The following STK24 variants were observed in gnomAD, a reference collection of about 807,000 sequenced individuals.
STK24 encodes serine/threonine kinase 24.
A neutral mutation model predicts 55.6 loss-of-function variants in STK24; 21 were observed. The ratio of observed to expected loss-of-function variants is 0.38; its 90% CI spans 0.27 to 0.54. STK24 has a LOEUF of 0.54. Among genes scored for constraint, STK24 ranks in the 20% least tolerant of loss-of-function variants. STK24 has a pLI of 0.79. For missense variants in STK24, 383 were observed against 538.4 expected (o/e 0.71, Z 2.86); for synonymous variants, 200 against 215.2 (o/e 0.93, Z 0.62).
intron 1 of STK24, chr13:98,576,312 A>G: frequency 1.2e-6 from 1 of 809,036 alleles, no homozygotes; most frequent in South Asian, 5.5e-5. Context: ...GGGGTGGGGG[A>G]CGAGCCTGGG....
In STK24 at chr13:98,448,389, C is replaced by T. The variant is rs1369487022; in HGVS notation, c.*4784G>A. On this transcript the variant is annotated 3_prime_UTR_variant, in exon 11 of 11. Transcript: ENST00000539966. ...TTTCCTTTCTTCTGTATTAATGAAG[C>T]CTGGTAAAATTAACACCTGTCTGAA... The T allele has an allele frequency of 1.6e-6, 2 of 1,221,130 alleles. No homozygotes were observed. Among genetic ancestry groups the T allele is most frequent in the Admixed American group, 1.7e-5 (1 of 58,142 alleles). The allele number at this position is 1,221,130 out of a possible 1,614,324, so 75.6% of individuals were successfully genotyped here.
chr13:98,496,831 CAGACATTTGCAA>C (rs1895268642), intron 2 of STK24, among the ~76,000 whole-genome samples: 1 of 152,206 alleles, frequency 6.6e-6, no homozygotes, highest in Non-Finnish European at 1.5e-5. Flanking sequence ...AGAAACAGGA[CAGACATTTGCAA>C]GTAACTCTTA....
Position 98,527,501 on chromosome 13 carries a change from C to G in STK24, c.43-8028G>C, listed in dbSNP as rs185917365. Reference sequence around the variant, plus strand: ...AAAGTTAAGACCTCAAAGGCCAGATCAGAGTCAAGAGCATCCGAGGGAGCC... The same window carrying G: ...AAAGTTAAGACCTCAAAGGCCAGATGAGAGTCAAGAGCATCCGAGGGAGCC... On this transcript the variant is annotated intron_variant, in intron 1 of 10. Transcript: ENST00000539966. Among the ~76,000 whole-genome samples the G allele has an allele frequency of 3.4e-3, 525 of 152,320 alleles. 5 individuals are homozygous for G. Among genetic ancestry groups the G allele is most frequent in the African/African-American group, 0.012 (498 of 41,580 alleles).
intron 1 of STK24, among the ~76,000 whole-genome samples, chr13:98,522,713 G>A (rs1421735010): frequency 6.6e-6 from 1 of 152,178 alleles, no homozygotes; most frequent in Non-Finnish European, 1.5e-5. Flanking sequence ...TGAAGAGTCA[G>A]GGGCTGTGTC....
intron 2 of STK24, among the ~76,000 whole-genome samples, chr13:98,489,266 T>C (rs555206317): frequency 3.3e-5 from 5 of 152,302 alleles, no homozygotes; most frequent in African/African-American, 1.2e-4. Flanking sequence ...CTGTGTTAAC[T>C]CCACAGTGTC....
At chr13:98,509,646 G>C (rs901530851) in intron 2 of STK24, among the ~76,000 whole-genome samples, 2 of 152,212 alleles carry the variant, frequency 1.3e-5, no homozygotes, top group African/African-American at 4.8e-5. Flanking sequence ...ACGGTCTCCA[G>C]TTCTAGACCA....
chr13:98,563,578 GCTGGGCGTGGTGGCTCACGC>G (rs1897487493), intron 1 of STK24, among the ~76,000 whole-genome samples: 1 of 152,144 alleles, frequency 6.6e-6, no homozygotes, highest in Non-Finnish European at 1.5e-5. Flanking sequence ...ACATTTCCAG[GCTGGGCGTGGTGGCTCACGC>G]CTGTAATCCC....
intron 1 of STK24, among the ~76,000 whole-genome samples, chr13:98,564,634 A>C (rs534095737): frequency 2.0e-5 from 3 of 152,308 alleles, no homozygotes; most frequent in African/African-American, 7.2e-5. Context: ...CACAGTTAAG[A>C]AAAGTTATCC....
chr13:98,522,029 G>A (rs1392635281), intron 1 of STK24: 6 of 1,420,844 alleles, frequency 4.2e-6, no homozygotes, highest in Non-Finnish European at 4.6e-6. Flanking sequence ...CCTTCCTCTG[G>A]AGTCCCTTCA....
intron 1 of STK24, among the ~76,000 whole-genome samples, chr13:98,540,830 A>G (rs1368158323): frequency 1.3e-5 from 2 of 151,806 alleles, no homozygotes; most frequent in Non-Finnish European, 1.5e-5. Flanking sequence ...GCCCACCAAG[A>G]GTTTTGCCTA....
rs548344544 is a variant in STK24, at chr13:98,505,401, C to G, written c.273+13842G>C. ...ATGACTCCAAAATTCATGTACTATA[C>G]TACACCAGCCTTGGCTGGAAGCCAA... On this transcript the variant is annotated intron_variant, in intron 2 of 10. Coordinates refer to ENST00000539966, the MANE Select transcript of STK24 (RefSeq NM_001032296.4). Among the ~76,000 whole-genome samples the G allele has an allele frequency of 7.9e-5, 12 of 152,356 alleles. No individual in the cohort carries two copies. The East Asian group carries it at 2.3e-3, about 29-fold the overall frequency.
At chr13:98,524,574 G>C (rs992849883) in intron 1 of STK24, among the ~76,000 whole-genome samples, 1 of 152,148 alleles carries the variant, frequency 6.6e-6, no homozygotes, top group African/African-American at 2.4e-5. Context: ...TCAGCCAGGC[G>C]GGTGGAAAAA....
chr13:98,525,992 C>T (rs1022712159), intron 1 of STK24, among the ~76,000 whole-genome samples: 6 of 152,298 alleles, frequency 3.9e-5, no homozygotes, highest in East Asian at 1.9e-4. Flanking sequence ...CCACCACGCC[C>T]GCCCGACCTG....
At chr13:98,563,729 G>A (rs1169963202) in intron 1 of STK24, among the ~76,000 whole-genome samples, 1 of 151,920 alleles carries the variant, frequency 6.6e-6, no homozygotes, top group Non-Finnish European at 1.5e-5. Context: ...GCGTGGTGGC[G>A]GGTGCCTATA....
At chr13:98,503,952 C>T (rs1895587747) in intron 2 of STK24, among the ~76,000 whole-genome samples, 1 of 152,168 alleles carries the variant, frequency 6.6e-6, no homozygotes, top group African/African-American at 2.4e-5. Flanking sequence ...GAATCTGCCT[C>T]CACCTCCTAC....
intron 1 of STK24, among the ~76,000 whole-genome samples, chr13:98,527,040 G>A (rs1011022955): frequency 6.6e-5 from 10 of 152,168 alleles, no homozygotes; most frequent in East Asian, 1.9e-4. Context: ...ATACACACTC[G>A]GAAGTAGAAA....
chr13:98,525,902 A>G lies in STK24; in HGVS notation c.43-6429T>C, dbSNP rs1384792229. ...CACTCGAATACTGATTTCTCTACTC[A>G]CAACTTTCCAATTCCCTAAAATCCC... On this transcript the variant is annotated intron_variant, in intron 1 of 10. Coordinates refer to ENST00000539966, the MANE Select transcript of STK24 (RefSeq NM_001032296.4). Among the ~76,000 whole-genome samples, 3 of 152,224 alleles carry G rather than the reference A, an allele frequency of 2.0e-5. No individual in the cohort carries two copies. In the East Asian group the frequency reaches 5.8e-4, roughly 29 times the overall value.
intron 1 of STK24, among the ~76,000 whole-genome samples, chr13:98,544,110 AGAGT>A (rs1360067778): frequency 3.9e-5 from 6 of 152,206 alleles, no homozygotes; most frequent in Non-Finnish European, 8.8e-5. Flanking sequence ...TAAAGGAAGG[AGAGT>A]GAGAAGAAAA....
At chr13:98,480,030 G>C (rs1424100808) in intron 3 of STK24, among the ~76,000 whole-genome samples, 1 of 152,122 alleles carries the variant, frequency 6.6e-6, no homozygotes, top group African/African-American at 2.4e-5. Flanking sequence ...CCCCTCACCC[G>C]TGAGGGTCTC....
Sources: gnomAD v4.1 joint callset for allele counts (sites outside exome capture counted in the v4.1 genomes callset) on GRCh38, gnomAD v4.1.1 for gene constraint, MANE v1.5 for transcripts, NCBI Gene and HGNC (gene_info 2026-07-23, HGNC 2026-07-21) for gene names.